The following TMEM132C variants were observed in gnomAD, a reference collection of about 807,000 sequenced individuals.
TMEM132C encodes protein phosphatase 1, regulatory subunit 152.
A neutral mutation model predicts 61.4 loss-of-function variants in TMEM132C; 29 were observed. The ratio of observed to expected loss-of-function variants is 0.47; its 90% CI spans 0.35 to 0.64. The LOEUF (loss-of-function observed/expected upper bound fraction) is 0.64, where lower values mean the gene tolerates loss of function less well. Ranked by LOEUF, TMEM132C falls within the 30% of genes least tolerant of loss-of-function variation. The probability of loss-of-function intolerance (pLI) is 0.00; values close to 1 mark genes in which losing one functional copy is unlikely to be tolerated. For missense variants in TMEM132C, 1,408 were observed against 1,476.9 expected (o/e 0.95, Z 0.76); for synonymous variants, 656 against 633.1 (o/e 1.04, Z -0.54).
chr12:128,343,506 G>T (rs1222553775), intron 1 of TMEM132C, among the ~76,000 whole-genome samples: 13 of 151,636 alleles, frequency 8.6e-5, no homozygotes. Context: ...TTCTCATAAG[G>T]TTAGAGCTGT....
intron 8 of TMEM132C, among the ~76,000 whole-genome samples, chr12:128,703,872 T>C (rs1189090754): frequency 6.6e-6 from 1 of 152,212 alleles, no homozygotes; most frequent in Non-Finnish European, 1.5e-5. Flanking sequence ...GGATATGGAC[T>C]GTCTGTTTTA....
At chr12:128,676,578 C>G (rs80307867) in intron 5 of TMEM132C, among the ~76,000 whole-genome samples, 1,923 of 152,162 alleles carry the variant, frequency 0.013, 48 homozygotes, top group African/African-American at 0.044. Context: ...ACACATATAC[C>G]CACATATACA....
intron 1 of TMEM132C, among the ~76,000 whole-genome samples, chr12:128,399,219 A>C (rs1593039592): frequency 6.6e-6 from 1 of 152,202 alleles, no homozygotes; most frequent in Admixed American, 6.5e-5. Flanking sequence ...ATTATCTGTA[A>C]TTAGTGGGAA....
intron 4 of TMEM132C, among the ~76,000 whole-genome samples, chr12:128,656,082 G>A (rs775316988): frequency 1.1e-4 from 16 of 152,066 alleles, no homozygotes; most frequent in African/African-American, 2.7e-4. Context: ...AAGGAGTCTC[G>A]CTCTGTCGCT....
chr12:128,585,601 G>A (rs941962509), intron 3 of TMEM132C, among the ~76,000 whole-genome samples: 2 of 152,226 alleles, frequency 1.3e-5, no homozygotes, highest in African/African-American at 2.4e-5. Flanking sequence ...CTGAAATATT[G>A]TATAGCCATT....
At chr12:128,638,718 G>C (rs1256309652) in intron 4 of TMEM132C, among the ~76,000 whole-genome samples, 4 of 152,202 alleles carry the variant, frequency 2.6e-5, no homozygotes, top group Non-Finnish European at 5.9e-5. Context: ...ATAGTAAAAG[G>C]GTGGAGAAGA....
intron 4 of TMEM132C, among the ~76,000 whole-genome samples, chr12:128,659,427 A>G (rs1308233535): frequency 1.3e-5 from 2 of 152,220 alleles, no homozygotes; most frequent in African/African-American, 4.8e-5. Flanking sequence ...ACTTTGAATT[A>G]GTGAATAGTA....
intron 3 of TMEM132C, among the ~76,000 whole-genome samples, chr12:128,604,819 T>A (rs1876359435): frequency 6.7e-6 from 1 of 148,166 alleles, no homozygotes; most frequent in Non-Finnish European, 1.5e-5. Flanking sequence ...GATGGATGGA[T>A]GGATGGATAA....
At chr12:128,418,722 G>A (rs940688518) in intron 2 of TMEM132C, among the ~76,000 whole-genome samples, 15 of 152,200 alleles carry the variant, frequency 9.9e-5, no homozygotes, top group African/African-American at 3.4e-4. Context: ...TACAGAGGAT[G>A]TTTGGGTCAG....
chr12:128,440,383 A>C (rs1339946743), intron 2 of TMEM132C, among the ~76,000 whole-genome samples: 1 of 152,224 alleles, frequency 6.6e-6, no homozygotes, highest in Non-Finnish European at 1.5e-5. Context: ...GTAGCTCACA[A>C]AATCTTCATG....
rs77527785 is a variant in TMEM132C at position 128,610,829 on chromosome 12, G to C, written c.1122-5323G>C. ...TGTGTCTACAGAGGCAGGCACTCAG[G>C]AAATGCACTGTATACAAATCTTAAT... On this transcript the variant is annotated intron_variant, in intron 3 of 8. Transcript: ENST00000435159. Among the ~76,000 whole-genome samples, 408 of 152,300 alleles carry C rather than the reference G, an allele frequency of 2.7e-3. 1 individual carries two copies. Among genetic ancestry groups the C allele is most frequent in the African/African-American group, 9.4e-3 (389 of 41,558 alleles).
intron 1 of TMEM132C, among the ~76,000 whole-genome samples, chr12:128,359,937 G>A (rs562843474): frequency 6.6e-6 from 1 of 152,304 alleles, no homozygotes; most frequent in African/African-American, 2.4e-5. Context: ...TATTAATTTA[G>A]AATCCAGGAG....
chr12:128,445,267 C>T (rs955008979), intron 2 of TMEM132C, among the ~76,000 whole-genome samples: 3 of 151,696 alleles, frequency 2.0e-5, no homozygotes, highest in Admixed American at 6.6e-5. Context: ...AACAGTTCAG[C>T]GGCGTGCACA....
chr12:128,455,892 C>T (rs1046807772), intron 2 of TMEM132C, among the ~76,000 whole-genome samples: 5 of 152,156 alleles, frequency 3.3e-5, no homozygotes, highest in African/African-American at 1.2e-4. Context: ...AAGTTCACTG[C>T]AGCATGGATT....
chr12:128,663,950 A>T (rs1361109833), intron 4 of TMEM132C, among the ~76,000 whole-genome samples: 1 of 101,696 alleles, frequency 9.8e-6, no homozygotes, highest in Admixed American at 1.0e-4. Flanking sequence ...TCACACAGGC[A>T]CACACACATA....
At chr12:128,686,053 A>G (rs1275556348) in intron 5 of TMEM132C, among the ~76,000 whole-genome samples, 2 of 143,184 alleles carry the variant, frequency 1.4e-5, no homozygotes, top group African/African-American at 2.9e-5. Flanking sequence ...GCGTGTGTGC[A>G]TGTGTGTGTG....
intron 1 of TMEM132C, among the ~76,000 whole-genome samples, chr12:128,329,333 C>G (rs147819749): frequency 3.5e-4 from 53 of 151,852 alleles, no homozygotes; most frequent in African/African-American, 1.3e-3. Context: ...AAACTCTGTC[C>G]GGGAGTGGGG....
intron 4 of TMEM132C, among the ~76,000 whole-genome samples, chr12:128,657,739 T>C (rs1954340948): frequency 6.6e-6 from 1 of 152,198 alleles, no homozygotes; most frequent in Non-Finnish European, 1.5e-5. Context: ...CACAACTCTG[T>C]TACAGAAAAA....
rs539648338 is a variant in TMEM132C, at chr12:128,326,086, A to T, written c.85+58599A>T. ...AATGAACGAGTAAATGAATGAATGCATGCATTCATGTTTCTTCAAAGATAA... is the reference window on the plus strand; with the variant it reads ...AATGAACGAGTAAATGAATGAATGCTTGCATTCATGTTTCTTCAAAGATAA... On this transcript the variant is annotated intron_variant, in intron 1 of 8. Transcript: ENST00000435159. This position sits in a 1 kb window ranked among gnomAD's most constrained non-coding sequence, Gnocchi z 5.6. Among the ~76,000 whole-genome samples the T allele has an allele frequency of 1.8e-4, 27 of 152,288 alleles. No homozygotes were observed. The highest frequency in any genetic ancestry group is 6.3e-4 in the African/African-American group (26 of 41,554).
Sources: gnomAD v4.1 joint callset for allele counts (sites outside exome capture counted in the v4.1 genomes callset) on GRCh38, gnomAD v4.1.1 for gene constraint, Gnocchi (gnomAD v3.1) non-coding constraint, MANE v1.5 for transcripts, NCBI Gene and HGNC (gene_info 2026-07-23, HGNC 2026-07-21) for gene names.